Variants in RAB12 observed in about 807,000 individuals in gnomAD.
RAB12 encodes the protein RAB12, member RAS oncogene family, also known as ras-related protein Rab-12.
Under a neutral mutation model 28.4 loss-of-function variants are expected in RAB12, and 11 were observed. That is an observed-to-expected ratio of 0.39 (90% CI 0.24 to 0.64). The LOEUF is 0.64. Ranked by LOEUF, RAB12 falls within the 30% of genes least tolerant of loss-of-function variation. The pLI is 0.50. For missense variants in RAB12, 276 were observed against 351.1 expected (o/e 0.79, Z 1.71); for synonymous variants, 138 against 145.3 (o/e 0.95, Z 0.36).
chr18:8,627,143 G>A (rs1454969834), intron 2 of RAB12, among the ~76,000 whole-genome samples: 1 of 152,210 alleles, frequency 6.6e-6, no homozygotes, highest in Non-Finnish European at 1.5e-5. Context: ...GTAATGCGTG[G>A]CTTCTTTAGG....
At position 8,611,406 on chromosome 18, in the gene RAB12, C is replaced by G. The variant is rs144502012; in HGVS notation, c.514+1453C>G. 3.9e-4 allele frequency among the ~76,000 whole-genome samples: 59 copies of G among 152,162 alleles called. No individual in the cohort carries two copies. In the East Asian group the frequency reaches 0.011, roughly 28 times the overall value. On this transcript the variant is annotated intron_variant, in intron 1 of 5. Coordinates refer to ENST00000649141, the MANE Select transcript of RAB12 (RefSeq NM_001025300.3). ...CTGTGTGATGAAGAGAAATCAGGTA[C>G]CCATAGGTGGGTAACTGAGGGCTTG...
At chr18:8,632,154 T>TGTAA (rs2096016324) in intron 2 of RAB12, among the ~76,000 whole-genome samples, 1 of 151,956 alleles carries the variant, frequency 6.6e-6, no homozygotes, top group Admixed American at 6.6e-5. Context: ...GGCGCATGCC[T>TGTAA]GTAATCCCAG....
chr18:8,631,704 G>T (rs1468621597), intron 2 of RAB12, among the ~76,000 whole-genome samples: 1 of 152,102 alleles, frequency 6.6e-6, no homozygotes, highest in Non-Finnish European at 1.5e-5. Flanking sequence ...GAAGAAATAT[G>T]GTCAAGTGCA....
chr18:8,619,301 C>T (rs1355586935), intron 1 of RAB12, among the ~76,000 whole-genome samples: 2 of 152,214 alleles, frequency 1.3e-5, no homozygotes, highest in Non-Finnish European at 2.9e-5. Flanking sequence ...GGTGGTTAGG[C>T]TTTTTACTGG....
At chr18:8,632,858 A>G (rs1400904549) in intron 2 of RAB12, 2 of 244,620 alleles carry the variant, frequency 8.2e-6, no homozygotes, top group Admixed American at 1.2e-4. Context: ...AAAACATCAT[A>G]TATTTTGATG....
chr18:8,632,798 T>C, intron 2 of RAB12: 1 of 236,712 alleles, frequency 4.2e-6, no homozygotes, highest in Non-Finnish European at 8.1e-6. Flanking sequence ...TAGGGATTGA[T>C]TGTTTGGAAA....
chr18:8,635,736 TAACTC>T (rs1418969354), intron 4 of RAB12, 114 bp downstream of exon 4: 3 of 646,554 alleles, frequency 4.6e-6, no homozygotes, highest in Non-Finnish European at 7.6e-6. Context: ...AATACAGTGA[TAACTC>T]AGTCACATCC....
In RAB12 at chr18:8,632,146, C is replaced by T. The variant is rs138851318; in HGVS notation, c.576-1043C>T. 3.1e-3 allele frequency among the ~76,000 whole-genome samples: 470 copies of T among 151,984 alleles called. 6 individuals are homozygous for T. Among genetic ancestry groups the T allele is most frequent in the African/African-American group, 0.011 (457 of 41,428 alleles). On this transcript the variant is annotated intron_variant, in intron 2 of 5. Transcript: ENST00000649141. ...AAAATATATTAGCCAGGCATGGTGG[C>T]GCATGCCTGTAATCCCAGGTTGTCG...
At chr18:8,631,139 C>T (rs2096015753) in intron 2 of RAB12, among the ~76,000 whole-genome samples, 1 of 152,214 alleles carries the variant, frequency 6.6e-6, no homozygotes, top group African/African-American at 2.4e-5. Context: ...ACTTGCCCAC[C>T]TCAGCTTCAC....
At position 8,639,146 on chromosome 18, in the gene RAB12, T is replaced by C. The variant is rs1243852269; in HGVS notation, c.*884T>C. ...TATTCTGATTAAGCCTAGACTGTGT[T>C]CTTTTTTTTTTTTTTTTTTTTTTTT... On this transcript the variant is annotated 3_prime_UTR_variant, in exon 6 of 6. Transcript: ENST00000649141. 8 of 102,560 alleles carry C rather than the reference T, an allele frequency of 7.8e-5. No individual in the cohort carries two copies. Among genetic ancestry groups the C allele is most frequent in the African/African-American group, 3.0e-4 (7 of 23,408 alleles). The allele number at this position is 102,560 out of a possible 1,614,324, so 6.4% of individuals were successfully genotyped here. A position where few individuals can be genotyped will look rare whatever the true frequency, so the allele number is the denominator to read the frequency against.
intron 1 of RAB12, among the ~76,000 whole-genome samples, chr18:8,614,672 G>A (rs539150481): frequency 6.6e-6 from 1 of 152,120 alleles, no homozygotes; most frequent in East Asian, 1.9e-4. Flanking sequence ...GCAAACCTCC[G>A]CCTCCCAGGT....
intron 2 of RAB12, among the ~76,000 whole-genome samples, chr18:8,628,954 T>TAATA (rs2096014407): frequency 6.6e-6 from 1 of 152,252 alleles, no homozygotes; most frequent in Non-Finnish European, 1.5e-5. Context: ...ATGTAATTCC[T>TAATA]AAAATGCTTA....
In RAB12 at chr18:8,633,669, G is replaced by A. The variant is rs1345457375; in HGVS notation, c.714+342G>A. Among the ~76,000 whole-genome samples the A allele has an allele frequency of 2.0e-5, 3 of 152,118 alleles. No homozygotes were observed. In the South Asian group the frequency reaches 6.2e-4, roughly 31 times the overall value. ...TCACCTGGACACTCATCTCATGCAC[G>A]TCCACTGAGTGACAACCTTGAGGAG... On this transcript the variant is annotated intron_variant, in intron 3 of 5. Coordinates refer to ENST00000649141, the MANE Select transcript of RAB12 (RefSeq NM_001025300.3).
chr18:8,632,566 C>T (rs887923139), intron 2 of RAB12, among the ~76,000 whole-genome samples: 14 of 152,170 alleles, frequency 9.2e-5, no homozygotes, highest in African/African-American at 3.1e-4. Context: ...ATGTGCCCCA[C>T]GCCTGCCCCC....
At chr18:8,625,943 T>C (rs1311556325) in intron 2 of RAB12, among the ~76,000 whole-genome samples, 1 of 152,222 alleles carries the variant, frequency 6.6e-6, no homozygotes, top group Non-Finnish European at 1.5e-5. Flanking sequence ...TGTCCCTGTC[T>C]GGGCCGCAGC....
intron 1 of RAB12, among the ~76,000 whole-genome samples, chr18:8,615,706 A>G (rs1472009785): frequency 1.3e-5 from 2 of 152,252 alleles, no homozygotes; most frequent in African/African-American, 4.8e-5. Flanking sequence ...AGGCTTGACA[A>G]AACGTCCCCT....
intron 2 of RAB12, 136 bp from the exon 3 acceptor site, chr18:8,633,053 G>C (rs2096016908): frequency 9.7e-7 from 1 of 1,035,356 alleles, no homozygotes; most frequent in African/African-American, 1.6e-5. Context: ...GTGGTCATCA[G>C]GTCAAAGGGA....
At position 8,639,247 on chromosome 18, in the gene RAB12, A is replaced by G. The variant is rs1034865919; in HGVS notation, c.*985A>G. On this transcript the variant is annotated 3_prime_UTR_variant, in exon 6 of 6. Transcript: ENST00000649141. ...TTTGGTATATCTTTTATTAAACTGC[A>G]CTGTTTTGTTTAGTCAAGGTAATTA... The G allele has an allele frequency of 8.0e-5, 10 of 125,720 alleles. No homozygotes were observed. Among genetic ancestry groups the G allele is most frequent in the Admixed American group, 4.6e-4 (5 of 10,918 alleles). The allele number at this position is 125,720 out of a possible 1,614,324, so 7.8% of individuals were successfully genotyped here. A position where few individuals can be genotyped will look rare whatever the true frequency, so the allele number is the denominator to read the frequency against.
chr18:8,620,748 A>G (rs377364730), intron 1 of RAB12, among the ~76,000 whole-genome samples: 2 of 152,118 alleles, frequency 1.3e-5, no homozygotes, highest in African/African-American at 4.8e-5. Context: ...ACATCCTCGG[A>G]GGGCAGGCAC....
Sources: gnomAD v4.1 joint callset for allele counts (sites outside exome capture counted in the v4.1 genomes callset) on GRCh38, gnomAD v4.1.1 for gene constraint, MANE v1.5 for transcripts, NCBI Gene and HGNC (gene_info 2026-07-23, HGNC 2026-07-21) for gene names.